Variants in UTRN observed in about 807,000 individuals in gnomAD.
UTRN encodes the protein dystrophin-related protein 1.
UTRN carries 283 observed loss-of-function variants against 463.9 expected under a neutral mutation model. The ratio of observed to expected loss-of-function variants is 0.61; its 90% confidence interval spans 0.55 to 0.67. The LOEUF is 0.67. Among genes scored for constraint, UTRN ranks in the 30% least tolerant of loss-of-function variants. The pLI is 0.00. For missense variants in UTRN, 3,922 were observed against 4,084.3 expected, an observed-to-expected ratio of 0.96 and a Z score of 1.08; for synonymous variants, 1,442 against 1,431.5, an observed-to-expected ratio of 1.01 and a Z score of -0.17.
intron 74 of UTRN, among the ~76,000 whole-genome samples, chr6:144,847,066 A>G (rs962432582): frequency 6.6e-6 from 1 of 152,182 alleles, no homozygotes; most frequent in Non-Finnish European, 1.5e-5. Flanking sequence ...CAGCTTTTTA[A>G]TGGCATCTTA....
chr6:144,321,461 CTTT>C lies in UTRN; in HGVS notation c.79+29578_79+29580del, dbSNP rs529134208. 1.2e-3 allele frequency among the ~76,000 whole-genome samples: 118 copies of C among 100,428 alleles called. 1 individual carries two copies. Among genetic ancestry groups the C allele is most frequent in the African/African-American group, 4.1e-3 (113 of 27,648 alleles). 65.9% of individuals were successfully genotyped at this position (100,428 alleles called of 152,430 possible). A position where few individuals can be genotyped will look rare whatever the true frequency, so the allele number is the denominator to read the frequency against. ...TTAAACCCAAGTAGCTGTGCCATAT[CTTT>C]TTTTTTTTTTTTTTTTTTTTTTTGA... On this transcript the variant is annotated intron_variant, in intron 2 of 74. Coordinates refer to ENST00000367545, the MANE Select transcript of UTRN (RefSeq NM_007124.3).
intron 54 of UTRN, among the ~76,000 whole-genome samples, chr6:144,737,821 A>G (rs1357394729): frequency 7.6e-6 from 1 of 130,880 alleles, no homozygotes; most frequent in Non-Finnish European, 1.5e-5. Flanking sequence ...TTTTAATGCA[A>G]TTGAACTGTT....
At chr6:144,676,079 T>C (rs535516881) in intron 51 of UTRN, among the ~76,000 whole-genome samples, 40 of 152,184 alleles carry the variant, frequency 2.6e-4, no homozygotes, top group African/African-American at 9.6e-4. Context: ...TTTCATTTAA[T>C]ACTAGATATA....
At chr6:144,808,013 G>A (rs935671935) in intron 65 of UTRN, among the ~76,000 whole-genome samples, 1 of 152,110 alleles carries the variant, frequency 6.6e-6, no homozygotes, top group East Asian at 1.9e-4. Flanking sequence ...TTTGTGCAAA[G>A]TTAATGGTAT....
At chr6:144,521,133 A>G (rs1021862750) in intron 39 of UTRN, among the ~76,000 whole-genome samples, 1 of 152,090 alleles carries the variant, frequency 6.6e-6, no homozygotes, top group Non-Finnish European at 1.5e-5. Context: ...TAAATATATA[A>G]AAGTTAGCTG....
chr6:144,427,017 A>G (rs1040618699), intron 7 of UTRN, among the ~76,000 whole-genome samples: 1 of 152,208 alleles, frequency 6.6e-6, no homozygotes, highest in Non-Finnish European at 1.5e-5. Flanking sequence ...ATACACACCA[A>G]TATAAGCTGA....
chr6:144,511,069 C>T lies in UTRN; in HGVS notation c.4890C>T (p.Asn1630=), dbSNP rs775724675. The T allele has an allele frequency of 6.8e-6, 11 of 1,610,928 alleles. No individual in the cohort carries two copies. Among genetic ancestry groups the T allele is most frequent in the South Asian group, 6.6e-5 (6 of 90,702 alleles). ...PILEERLCVL[N]AGWSRVRTWT... ...TAGAAGAGAGGCTCTGCGTCCTTAACGCTGGGTGGAGCCGAGTTCGTACCT... is the reference window on the plus strand; with the variant it reads ...TAGAAGAGAGGCTCTGCGTCCTTAATGCTGGGTGGAGCCGAGTTCGTACCT... Residue 1630 remains asparagine, a synonymous_variant, in exon 35 of 75, where the codon AAC becomes AAT. Transcript: ENST00000367545.
At chr6:144,748,118 T>C in intron 54 of UTRN, 128 bp from the exon 55 acceptor site, 1 of 1,233,214 alleles carries the variant, frequency 8.1e-7, no homozygotes, top group Non-Finnish European at 1.1e-6. Context: ...TGGACAATTT[T>C]TACCCTGGAG....
chr6:144,838,497 C>T (rs1330654056), intron 71 of UTRN, among the ~76,000 whole-genome samples: 1 of 152,194 alleles, frequency 6.6e-6, no homozygotes, highest in Non-Finnish European at 1.5e-5. Flanking sequence ...CTCACACTTT[C>T]TAATTTGACC....
At chr6:144,773,758 C>A (rs762000647) in intron 59 of UTRN, among the ~76,000 whole-genome samples, 7 of 152,204 alleles carry the variant, frequency 4.6e-5, no homozygotes, top group Non-Finnish European at 8.8e-5. Flanking sequence ...CTTCTCCCTG[C>A]AGCATATTCC....
intron 43 of UTRN, among the ~76,000 whole-genome samples, chr6:144,536,435 T>G (rs1003330421): frequency 6.6e-6 from 1 of 152,172 alleles, no homozygotes; most frequent in Admixed American, 6.5e-5. Flanking sequence ...TAATTAGTGC[T>G]GTTGCTGTAT....
chr6:144,541,422 C>T (rs528622884), intron 45 of UTRN, among the ~76,000 whole-genome samples: 1 of 152,262 alleles, frequency 6.6e-6, no homozygotes, highest in South Asian at 2.1e-4. Flanking sequence ...TTTGGGTGCA[C>T]TATGTCAGAC....
At chr6:144,583,396 A>G (rs1353391234) in intron 51 of UTRN, 1 of 589,302 alleles carries the variant, frequency 1.7e-6, no homozygotes, top group Admixed American at 2.7e-5. Context: ...GAGCATGCTC[A>G]GAGAACTGAC....
At chr6:144,698,529 A>G (rs1390746882) in intron 52 of UTRN, among the ~76,000 whole-genome samples, 1 of 152,246 alleles carries the variant, frequency 6.6e-6, no homozygotes, top group African/African-American at 2.4e-5. Flanking sequence ...GGGCAGTCAC[A>G]GTAATTCCAT....
Position 144,423,505 on chromosome 6 carries a change from G to A in UTRN, c.235-44G>A, listed in dbSNP as rs764806818. 59 of 1,586,788 alleles carry A rather than the reference G, an allele frequency of 3.7e-5. No individual in the cohort carries two copies. The Middle Eastern group carries it at 5.0e-4, about 13-fold the overall frequency. ...CAGTGCTAGTGTTAGTCAGGCATATGGAGGGACAATCAGTTTTACTTGCTT... is the reference window on the plus strand; with the variant it reads ...CAGTGCTAGTGTTAGTCAGGCATATAGAGGGACAATCAGTTTTACTTGCTT... On this transcript the variant is annotated intron_variant, in intron 4 of 74. Transcript: ENST00000367545.
At chr6:144,469,692 CTGTT>C (rs752614222) in intron 23 of UTRN, among the ~76,000 whole-genome samples, 50 of 133,166 alleles carry the variant, frequency 3.8e-4, no homozygotes, top group Non-Finnish European at 6.8e-4. Flanking sequence ...GCTTCTCTGT[CTGTT>C]TCTTTCCTTT....
intron 33 of UTRN, 72 bp downstream of exon 33, chr6:144,493,528 G>T: frequency 7.0e-7 from 1 of 1,435,378 alleles, no homozygotes; most frequent in South Asian, 1.5e-5. Flanking sequence ...TCTCTCTCTC[G>T]TTCTCTCTCA....
chr6:144,314,623 T>G (rs1775162191), intron 2 of UTRN, among the ~76,000 whole-genome samples: 1 of 152,212 alleles, frequency 6.6e-6, no homozygotes. Context: ...CTATGTTACA[T>G]AAAGCCTCCA....
chr6:144,736,855 C>T (rs1789469124), intron 54 of UTRN, among the ~76,000 whole-genome samples: 1 of 152,218 alleles, frequency 6.6e-6, no homozygotes, highest in Non-Finnish European at 1.5e-5. Context: ...TAGTGGTCTT[C>T]CTTGCCTTTG....
Sources: allele counts gnomAD v4.1 joint callset (sites outside exome capture counted in the v4.1 genomes callset), GRCh38; gene constraint gnomAD v4.1.1; transcripts MANE v1.5; gene names NCBI Gene and HGNC (gene_info 2026-07-23, HGNC 2026-07-21).